Variants in RPTOR observed in about 807,000 individuals in gnomAD.
RPTOR encodes regulatory associated protein of MTOR complex 1.
RPTOR carries 21 observed loss-of-function variants against 169.9 expected under a neutral mutation model. The ratio of observed to expected loss-of-function variants is 0.12; its 90% CI spans 0.09 to 0.18. The LOEUF (loss-of-function observed/expected upper bound fraction) is 0.18, where lower values mean the gene tolerates loss of function less well. Among genes scored for constraint, RPTOR ranks in the 10% least tolerant of loss-of-function variants. The probability of loss-of-function intolerance (pLI) is 1.00; values close to 1 mark genes in which losing one functional copy is unlikely to be tolerated. For synonymous variants in RPTOR, 732 were observed against 753.2 expected (o/e 0.97, Z 0.46); for missense variants, 1,133 against 1,855.9 (o/e 0.61, Z 7.16).
chr17:80,549,535 A>G (rs1320471055), intron 1 of RPTOR, among the ~76,000 whole-genome samples: 1 of 151,414 alleles, frequency 6.6e-6, no homozygotes, highest in East Asian at 1.9e-4. Flanking sequence ...CTGGTCTCAA[A>G]CTCCTGACCT....
At chr17:80,731,551 T>C (rs900413506) in intron 5 of RPTOR, among the ~76,000 whole-genome samples, 1 of 152,206 alleles carries the variant, frequency 6.6e-6, no homozygotes, top group African/African-American at 2.4e-5. Flanking sequence ...TTTTAATTAA[T>C]ATTTGATGTT....
intron 25 of RPTOR, among the ~76,000 whole-genome samples, chr17:80,942,213 G>T (rs548903149): frequency 1.3e-5 from 2 of 151,922 alleles, no homozygotes; most frequent in South Asian, 4.2e-4. Flanking sequence ...CAGCCTGCTA[G>T]CTGGGATGGC....
chr17:80,692,975 G>T (rs994358498), intron 3 of RPTOR, among the ~76,000 whole-genome samples: 1 of 152,186 alleles, frequency 6.6e-6, no homozygotes, highest in Non-Finnish European at 1.5e-5. Flanking sequence ...GTAACCTTGG[G>T]TACATTTATA....
chr17:80,825,638 C>T (rs573569318), intron 9 of RPTOR, among the ~76,000 whole-genome samples: 1 of 152,214 alleles, frequency 6.6e-6, no homozygotes, highest in Non-Finnish European at 1.5e-5. Context: ...GAGGTGATGT[C>T]GCAATCCACA....
Position 80,695,794 on chromosome 17 carries a change from C to T in RPTOR, c.349-12047C>T, listed in dbSNP as rs1162984092. On this transcript the variant is annotated intron_variant, in intron 3 of 33. Transcript: ENST00000306801. The surrounding 1 kb of genome is among the most constrained non-coding windows in gnomAD (Gnocchi z 4.9). ...TACAGAGTGACAGGAGCTCAGGATG[C>T]AGAGGCACCAAGGCCAGGGAGGAGC... is the stretch of plus-strand genomic sequence containing the variant. Among the ~76,000 whole-genome samples the T allele has an allele frequency of 6.6e-6, 1 of 152,200 alleles. No individual in the cohort carries two copies. Among genetic ancestry groups the T allele is most frequent in the African/African-American group, 2.4e-5 (1 of 41,434 alleles).
chr17:80,827,964 AG>A (rs1484471747), intron 9 of RPTOR, among the ~76,000 whole-genome samples: 2 of 152,224 alleles, frequency 1.3e-5, no homozygotes, highest in Non-Finnish European at 2.9e-5. Context: ...CTGTGGCTCT[AG>A]CCGTCTAGTG....
rs1401553507 is a variant in RPTOR, at chr17:80,596,958, G to A, written c.163-28733G>A. 2.6e-5 allele frequency among the ~76,000 whole-genome samples: 4 copies of A among 152,186 alleles called. No individual in the cohort carries two copies. In the East Asian group the frequency reaches 5.8e-4, roughly 22 times the overall value. On this transcript the variant is annotated intron_variant, in intron 1 of 33. Coordinates refer to ENST00000306801, the MANE Select transcript of RPTOR (RefSeq NM_020761.3). ...CCTGGCTGTTTTGGGAGGCAGTGCT[G>A]GACAGCCGATTCGTTCAGCAGGTGT...
intron 1 of RPTOR, among the ~76,000 whole-genome samples, chr17:80,598,133 C>A (rs569022392): frequency 6.7e-6 from 1 of 150,282 alleles, no homozygotes; most frequent in South Asian, 2.1e-4. Context: ...CGGAGTGAAA[C>A]CCTGTCTCAA....
chr17:80,840,821 C>T (rs1467693886), intron 10 of RPTOR, among the ~76,000 whole-genome samples: 4 of 91,840 alleles, frequency 4.4e-5, no homozygotes, highest in Admixed American at 1.2e-4. Context: ...CTCACCACGC[C>T]GCAGCTCACA....
intron 2 of RPTOR, among the ~76,000 whole-genome samples, chr17:80,634,535 T>TGC (rs1599621122): frequency 1.6e-5 from 2 of 125,158 alleles, no homozygotes; most frequent in East Asian, 2.7e-4. Flanking sequence ...TGTGTGCATG[T>TGC]GCGTACTGTG....
Position 80,864,256 on chromosome 17 carries a change from A to C in RPTOR, c.1509+6356A>C, listed in dbSNP as rs112535726. ...AAAGGCAGCCAGTAAAAAGCCAGTA[A>C]GGAGCAAAGGTGAGAATGACGGCAG... On this transcript the variant is annotated intron_variant, in intron 13 of 33. Coordinates refer to ENST00000306801, the MANE Select transcript of RPTOR (RefSeq NM_020761.3). Among the ~76,000 whole-genome samples the C allele has an allele frequency of 9.5e-3, 1,416 of 148,288 alleles. 23 individuals are homozygous for C. The highest frequency in any genetic ancestry group is 0.033 in the African/African-American group (1,332 of 39,764).
At chr17:80,725,721 A>G (rs1346059027) in intron 4 of RPTOR, among the ~76,000 whole-genome samples, 1 of 152,188 alleles carries the variant, frequency 6.6e-6, no homozygotes, top group Non-Finnish European at 1.5e-5. Context: ...GACCTCTGAG[A>G]TGGGAAATGA....
chr17:80,742,225 G>T (rs2066488500), intron 5 of RPTOR, among the ~76,000 whole-genome samples: 1 of 152,140 alleles, frequency 6.6e-6, no homozygotes, highest in Non-Finnish European at 1.5e-5. Flanking sequence ...GAGTAACCTG[G>T]CAGAGAGGGA....
At chr17:80,572,035 C>T (rs903615723) in intron 1 of RPTOR, among the ~76,000 whole-genome samples, 3 of 152,226 alleles carry the variant, frequency 2.0e-5, no homozygotes, top group South Asian at 2.1e-4. Context: ...TATGTAATAT[C>T]TCATTTCATG....
intron 4 of RPTOR, among the ~76,000 whole-genome samples, chr17:80,712,058 A>T (rs2066198373): frequency 6.6e-6 from 1 of 152,066 alleles, no homozygotes; most frequent in Non-Finnish European, 1.5e-5. Flanking sequence ...TTTTTAAAAT[A>T]ATAGACATCA....
chr17:80,793,425 G>A (rs997712471), intron 7 of RPTOR, among the ~76,000 whole-genome samples: 5 of 152,208 alleles, frequency 3.3e-5, no homozygotes, highest in Non-Finnish European at 7.3e-5. Flanking sequence ...GCTCTTGGGT[G>A]AAAACTGTCT....
intron 17 of RPTOR, among the ~76,000 whole-genome samples, chr17:80,890,929 G>A (rs2068314621): frequency 6.6e-6 from 1 of 152,150 alleles, no homozygotes; most frequent in Non-Finnish European, 1.5e-5. Flanking sequence ...CACGCGACTA[G>A]CAAGGGGTCC....
intron 20 of RPTOR, among the ~76,000 whole-genome samples, chr17:80,898,572 A>G (rs1328368632): frequency 1.3e-5 from 2 of 151,892 alleles, no homozygotes; most frequent in African/African-American, 4.8e-5. Flanking sequence ...AAAACAGCTC[A>G]TTAACTTTGA....
chr17:80,634,751 G>GTGTGTGTGCATAC lies in RPTOR; in HGVS notation c.265+8967_266-8967insATACTGTGTGTGC, dbSNP rs879273312. On this transcript the variant is annotated intron_variant, in intron 2 of 33. Transcript: ENST00000306801. ...TGTGCGTACTGTGTGTGTGCATACTGTGTGTGTGCGTACTGTGCGTGTGTG... is the reference window on the plus strand; with the variant it reads ...TGTGCGTACTGTGTGTGTGCATACTGTGTGTGTGCATACTGTGTGTGCGTACTGTGCGTGTGTG... Among the ~76,000 whole-genome samples, 422 of 52,520 alleles carry GTGTGTGTGCATAC rather than the reference G, an allele frequency of 8.0e-3. 44 individuals are homozygous for GTGTGTGTGCATAC. The highest frequency in any genetic ancestry group is 0.011 in the Non-Finnish European group (255 of 22,728). The allele number at this position is 52,520 out of a possible 152,430, so 34.5% of individuals were successfully genotyped here.
Sources: allele counts gnomAD v4.1 joint callset (sites outside exome capture counted in the v4.1 genomes callset), GRCh38; gene constraint gnomAD v4.1.1; non-coding constraint Gnocchi (gnomAD v3.1); transcripts MANE v1.5; gene names NCBI Gene and HGNC (gene_info 2026-07-23, HGNC 2026-07-21).